Variants in KATNAL1 observed in about 807,000 individuals in gnomAD.
The protein encoded by KATNAL1 is katanin p60 ATPase-containing subunit A-like 1.
A neutral mutation model predicts 55.2 loss-of-function variants in KATNAL1; 32 were observed. The ratio of observed to expected loss-of-function variants is 0.58; its 90% CI spans 0.44 to 0.78. The LOEUF (loss-of-function observed/expected upper bound fraction) is 0.78, where lower values mean the gene tolerates loss of function less well. KATNAL1 is among the 30% of genes least tolerant of loss of function. The pLI is 0.00. For synonymous variants in KATNAL1, 193 were observed against 193.6 expected (o/e 1.00, Z 0.02); for missense variants, 466 against 600.9 (o/e 0.78, Z 2.35).
At position 30,240,587 on chromosome 13, in the gene KATNAL1, T is replaced by C. The variant is rs752445260; in HGVS notation, c.621-22A>G. 1.3e-5 allele frequency: 20 copies of C among 1,507,320 alleles called. No individual in the cohort carries two copies. The Admixed American group carries it at 2.9e-4, about 22-fold the overall frequency. The allele number at this position is 1,507,320 out of a possible 1,614,324, so 93.4% of individuals were successfully genotyped here. ...ATCCCTTTGAAAGAACAGCAAACTT[T>C]CATAATGTTTACTCAGGGATCTTTG... On this transcript the variant is annotated intron_variant, in intron 5 of 10. Transcript: ENST00000380615.
rs914000029 is a variant in KATNAL1 at position 30,251,297 on chromosome 13, A to C, written c.492+4150T>G. Among the ~76,000 whole-genome samples, 3 of 152,228 alleles carry C rather than the reference A, an allele frequency of 2.0e-5. No individual in the cohort carries two copies. In the South Asian group the frequency reaches 6.2e-4, roughly 32 times the overall value. ...ACTTCTATGTATATATCTGACTCTA[A>C]GCTTAAATAGCAAAATAATAATAAA... is the stretch of plus-strand genomic sequence containing the variant. On this transcript the variant is annotated intron_variant, in intron 4 of 10. Transcript: ENST00000380615.
intron 1 of KATNAL1, among the ~76,000 whole-genome samples, chr13:30,297,028 A>C (rs1882550337): frequency 6.6e-6 from 1 of 152,046 alleles, no homozygotes; most frequent in African/African-American, 2.4e-5. Flanking sequence ...CTAGCTACTC[A>C]AGAGGCTGGG....
chr13:30,271,392 G>T (rs1880343057), intron 3 of KATNAL1, among the ~76,000 whole-genome samples: 1 of 152,116 alleles, frequency 6.6e-6, no homozygotes, highest in African/African-American at 2.4e-5. Flanking sequence ...TCAGCAGGCT[G>T]TACAGGAAAC....
intron 1 of KATNAL1, among the ~76,000 whole-genome samples, chr13:30,285,868 C>T (rs750684675): frequency 2.0e-5 from 3 of 152,178 alleles, no homozygotes; most frequent in Non-Finnish European, 4.4e-5. Context: ...CTTGTCCTTG[C>T]TGTGCTTTGG....
rs1427106062 is a variant in KATNAL1 at position 30,240,824 on chromosome 13, C to T, written c.620+135G>A. The T allele has an allele frequency of 3.3e-5, 28 of 860,162 alleles. No individual in the cohort carries two copies. In the Admixed American group the frequency reaches 6.6e-4, roughly 20 times the overall value. The allele number at this position is 860,162 out of a possible 1,614,324, so 53.3% of individuals were successfully genotyped here. A position where few individuals can be genotyped will look rare whatever the true frequency, so the allele number is the denominator to read the frequency against. On this transcript the variant is annotated intron_variant, in intron 5 of 10. Coordinates refer to ENST00000380615, the MANE Select transcript of KATNAL1 (RefSeq NM_032116.5). ...TTGGTTACATTCGACAGAACTGTCTCGTCAATTCTATACTTTCATATTATA... is the reference window on the plus strand; with the variant it reads ...TTGGTTACATTCGACAGAACTGTCTTGTCAATTCTATACTTTCATATTATA...
rs766091959 is a variant in KATNAL1 at position 30,227,431 on chromosome 13, T to C, written c.1128A>G (p.Ile376Met). ...TCATACCTGTTGGGAGAGGTATATA[T>C]ATCCTTTTTTCTAACCTTCTTCGCA... Reference protein sequence around the residue: ...EALRRRLEKRIYIPLPTAKGR... With the variant: ...EALRRRLEKRMYIPLPTAKGR... The change falls in exon 9 of 11, where the codon ATA becomes ATG. Residue 376 changes from isoleucine to methionine, a missense_variant. Ile to Met is a conservative substitution (Grantham distance 10, BLOSUM62 1). Coordinates refer to ENST00000380615, the MANE Select transcript of KATNAL1 (RefSeq NM_032116.5). 3 of 1,614,030 alleles carry C rather than the reference T, an allele frequency of 1.9e-6. No individual in the cohort carries two copies. The highest frequency in any genetic ancestry group is 2.5e-6 in the Non-Finnish European group (3 of 1,179,950).
intron 9 of KATNAL1, among the ~76,000 whole-genome samples, chr13:30,214,483 G>T (rs537284001): frequency 0.04 from 6,140 of 152,002 alleles, 163 homozygotes; most frequent in African/African-American, 0.071. Context: ...TAAGCCAAAA[G>T]AACAAAGCTG....
intron 3 of KATNAL1, among the ~76,000 whole-genome samples, chr13:30,263,570 CCAA>C (rs1456774628): frequency 5.3e-5 from 8 of 152,146 alleles, no homozygotes; most frequent in African/African-American, 1.9e-4. Context: ...TTCTTATACA[CCAA>C]CAACAGACAA....
chr13:30,280,144 G>A lies in KATNAL1; in HGVS notation c.242C>T (p.Pro81Leu). 1 of 1,613,048 alleles carries A rather than the reference G, an allele frequency of 6.2e-7. No individual in the cohort carries two copies. The highest frequency in any genetic ancestry group is 1.1e-5 in the South Asian group (1 of 90,964). ...STLESFKIDK[P>L]PDFPVSCQDE... ...TTGACAGGACACAGGGAAATCTGGA[G>A]GCTTGTCAATTTTAAAACTTTCTAA... The change falls in exon 3 of 11, where the codon CCT (proline) becomes CTT (leucine). Residue 81 changes from proline to leucine, a missense_variant. Physicochemically the swap from Pro to Leu is moderately conservative, Grantham distance 98 (BLOSUM62 -3). Coordinates refer to ENST00000380615, the MANE Select transcript of KATNAL1 (RefSeq NM_032116.5).
intron 3 of KATNAL1, among the ~76,000 whole-genome samples, chr13:30,256,263 TACATATA>T (rs377602598): frequency 7.5e-4 from 115 of 152,354 alleles, no homozygotes; most frequent in African/African-American, 2.6e-3. Context: ...TTTTGATAAA[TACATATA>T]AGTATGCATG....
At chr13:30,243,307 C>G (rs1877456421) in intron 4 of KATNAL1, among the ~76,000 whole-genome samples, 1 of 152,116 alleles carries the variant, frequency 6.6e-6, no homozygotes, top group African/African-American at 2.4e-5. Context: ...CTCAAAGTGA[C>G]TAACCAAATA....
At chr13:30,287,663 G>A (rs376708605) in intron 1 of KATNAL1, among the ~76,000 whole-genome samples, 4 of 152,058 alleles carry the variant, frequency 2.6e-5, no homozygotes, top group East Asian at 1.9e-4. Flanking sequence ...ACATTAACAC[G>A]AAACAATATG....
At position 30,246,792 on chromosome 13, in the gene KATNAL1, G is replaced by A. The variant is rs1455262471; in HGVS notation, c.493-5706C>T. On this transcript the variant is annotated intron_variant, in intron 4 of 10. Transcript: ENST00000380615. ...TATGTGGCCAACAAACATGAAAAAA[G>A]TTCATCATCACTGGTCATTAGAGAA... Among the ~76,000 whole-genome samples the A allele has an allele frequency of 4.6e-5, 7 of 152,196 alleles. No homozygotes were observed. In the South Asian group the frequency reaches 6.2e-4, roughly 14 times the overall value.
At chr13:30,293,400 A>AT (rs1882269908) in intron 1 of KATNAL1, among the ~76,000 whole-genome samples, 1 of 152,254 alleles carries the variant, frequency 6.6e-6, no homozygotes, top group South Asian at 2.1e-4. Context: ...ACACCCCGGC[A>AT]ACACCCCTTC....
chr13:30,263,304 G>A (rs971054107), intron 3 of KATNAL1, among the ~76,000 whole-genome samples: 5 of 151,934 alleles, frequency 3.3e-5, no homozygotes, highest in South Asian at 2.1e-4. Flanking sequence ...CTTTGAAAAC[G>A]GGCACAAGAC....
At chr13:30,268,333 C>A (rs1879941890) in intron 3 of KATNAL1, among the ~76,000 whole-genome samples, 1 of 152,144 alleles carries the variant, frequency 6.6e-6, no homozygotes, top group African/African-American at 2.4e-5. Context: ...AGATGACTCT[C>A]AATAACTTTG....
At chr13:30,270,984 G>C (rs999943247) in intron 3 of KATNAL1, among the ~76,000 whole-genome samples, 1 of 152,016 alleles carries the variant, frequency 6.6e-6, no homozygotes, top group Non-Finnish European at 1.5e-5. Context: ...TGACAGTGAA[G>C]GGGTAAATAC....
In KATNAL1 at chr13:30,279,470, G is replaced by T. The variant is rs1881108920; in HGVS notation, c.323+593C>A. 2.0e-5 allele frequency among the ~76,000 whole-genome samples: 3 copies of T among 151,994 alleles called. No individual in the cohort carries two copies. The South Asian group carries it at 6.2e-4, about 32-fold the overall frequency. On this transcript the variant is annotated intron_variant, in intron 3 of 10. Coordinates refer to ENST00000380615, the MANE Select transcript of KATNAL1 (RefSeq NM_032116.5). ...GAGTTGTTTGGAGATGGGGATTATG[G>T]GTATTCCTTGAAGAAAGAAGAGACT...
At chr13:30,274,995 C>T (rs1880734649) in intron 3 of KATNAL1, among the ~76,000 whole-genome samples, 3 of 150,840 alleles carry the variant, frequency 2.0e-5, no homozygotes. Flanking sequence ...CCTACCATTT[C>T]CTTGTGGCAG....
Sources: allele counts gnomAD v4.1 joint callset (sites outside exome capture counted in the v4.1 genomes callset), GRCh38; gene constraint gnomAD v4.1.1; transcripts MANE v1.5; gene names NCBI Gene and HGNC (gene_info 2026-07-23, HGNC 2026-07-21).